Variants in ELMO1 observed in about 807,000 individuals in gnomAD.
The protein encoded by ELMO1 is engulfment and cell motility protein 1.
Under a neutral mutation model 98.9 loss-of-function variants are expected in ELMO1, and 26 were observed. The ratio of observed to expected loss-of-function variants is 0.26; its 90% CI spans 0.19 to 0.36. The LOEUF is 0.36. Ranked by LOEUF, ELMO1 falls within the 10% of genes least tolerant of loss-of-function variation. The pLI is 1.00. For missense variants in ELMO1, 627 were observed against 935.2 expected (o/e 0.67, Z 4.30); for synonymous variants, 346 against 346.0 (o/e 1.00, Z 0.00).
chr7:37,447,619 TCACACACACACCCACAACACCCCCCCCA>T (rs1562698441), intron 1 of ELMO1, among the ~76,000 whole-genome samples: 1 of 144,308 alleles, frequency 6.9e-6, no homozygotes, highest in Non-Finnish European at 1.5e-5. Context: ...ACACACCGAC[TCACACACACACCCACAACACCCCCCCCA>T]CACACACACA....
At chr7:37,296,048 T>C (rs1562591557) in intron 4 of ELMO1, among the ~76,000 whole-genome samples, 1 of 152,210 alleles carries the variant, frequency 6.6e-6, no homozygotes, top group Non-Finnish European at 1.5e-5. Context: ...CAGATATATT[T>C]ATCTCCACAG....
intron 13 of ELMO1, among the ~76,000 whole-genome samples, chr7:37,150,778 C>T (rs184972370): frequency 7.9e-5 from 12 of 152,066 alleles, no homozygotes; most frequent in Admixed American, 2.0e-4. Context: ...GGTGGGAAGA[C>T]AGGTAATTTT....
At chr7:37,161,873 C>A (rs1182184150) in intron 13 of ELMO1, among the ~76,000 whole-genome samples, 1 of 112,970 alleles carries the variant, frequency 8.9e-6, no homozygotes. Context: ...AAGGCTTCCA[C>A]TAAGGCATTA....
At chr7:37,134,941 T>C (rs1313363350) in intron 13 of ELMO1, among the ~76,000 whole-genome samples, 3 of 152,190 alleles carry the variant, frequency 2.0e-5, no homozygotes. Context: ...GATGAGAAAT[T>C]GTTTACTGAG....
intron 3 of ELMO1, 28 bp from the exon 4 acceptor site, chr7:37,314,950 G>T: frequency 1.3e-6 from 2 of 1,590,042 alleles, no homozygotes; most frequent in Non-Finnish European, 1.7e-6. Context: ...ATACTGATTA[G>T]AAAAATGAAA....
chr7:37,077,510 G>A (rs1056774212), intron 15 of ELMO1, among the ~76,000 whole-genome samples: 5 of 152,200 alleles, frequency 3.3e-5, no homozygotes, highest in Non-Finnish European at 7.3e-5. Flanking sequence ...CAATGCTGTA[G>A]GAAAAAATAC....
chr7:37,120,631 C>A (rs1196098656), intron 14 of ELMO1, among the ~76,000 whole-genome samples: 1 of 152,238 alleles, frequency 6.6e-6, no homozygotes, highest in Non-Finnish European at 1.5e-5. Flanking sequence ...GGCCGGGAAG[C>A]TCAAACTGGG....
In ELMO1 at chr7:37,438,012, A is replaced by G. The variant is rs1013258007; in HGVS notation, c.-74+10663T>C. Among the ~76,000 whole-genome samples, 5 of 151,806 alleles carry G rather than the reference A, an allele frequency of 3.3e-5. 2 individuals are homozygous for G. Among genetic ancestry groups the G allele is most frequent in the African/African-American group, 1.2e-4 (5 of 41,248 alleles). On this transcript the variant is annotated intron_variant, in intron 1 of 21. Coordinates refer to ENST00000310758, the MANE Select transcript of ELMO1 (RefSeq NM_014800.11). ...AAAAAAAAAAAAAAAGAAATATACA[A>G]TATATAATTATTAACTATTGCCACC...
At chr7:36,920,474 A>G (rs1353181873) in intron 16 of ELMO1, among the ~76,000 whole-genome samples, 2 of 152,228 alleles carry the variant, frequency 1.3e-5, no homozygotes, top group Non-Finnish European at 2.9e-5. Flanking sequence ...GGTTCTTTAA[A>G]GTTAATCACA....
Position 36,870,436 on chromosome 7 carries a change from T to A in ELMO1, c.1862A>T (p.Asp621Val). ...ACCTTTCTCTTTCATATGAGGGCAG[T>A]CCTTTCCCGTCACCACGGCTTTGAT... Reference protein sequence around the residue: ...ADIKAVVTGKDCPHMKEKGAL... With the variant: ...ADIKAVVTGKVCPHMKEKGAL... The change falls in exon 20 of 22, where the codon GAC (aspartate) becomes GTC (valine). Residue 621 changes from aspartate (D) to valine (V), a missense_variant. Asp to Val is a radical substitution (Grantham distance 152). Transcript: ENST00000310758. The surrounding 1 kb of genome is among the most constrained non-coding windows in gnomAD (Gnocchi z 4.4). The A allele has an allele frequency of 3.1e-6, 5 of 1,614,078 alleles. No homozygotes were observed. The highest frequency in any genetic ancestry group is 4.2e-6 in the Non-Finnish European group (5 of 1,179,984).
In ELMO1 at chr7:37,205,736, C is replaced by A. The variant is rs186202551; in HGVS notation, c.1086+5650G>T. On this transcript the variant is annotated intron_variant, in intron 13 of 21. Transcript: ENST00000310758. ...CAGCTGGAACATCTGAGTTGGGCAA[C>A]TCAGATTTTTTGCCACTGTGCATTT... Among the ~76,000 whole-genome samples the A allele has an allele frequency of 3.2e-3, 490 of 152,106 alleles. 1 individual carries two copies. Among genetic ancestry groups the A allele is most frequent in the African/African-American group, 0.011 (464 of 41,500 alleles).
intron 1 of ELMO1, among the ~76,000 whole-genome samples, chr7:37,379,450 T>C (rs1464857226): frequency 2.6e-5 from 4 of 152,192 alleles, no homozygotes; most frequent in Non-Finnish European, 4.4e-5. Context: ...CCTGGTAAAA[T>C]GAAGCTCATC....
At chr7:37,134,226 A>G (rs1331197018) in intron 13 of ELMO1, among the ~76,000 whole-genome samples, 1 of 152,224 alleles carries the variant, frequency 6.6e-6, no homozygotes, top group Non-Finnish European at 1.5e-5. Context: ...AGAACTAAAA[A>G]TAGAACTACC....
intron 16 of ELMO1, among the ~76,000 whole-genome samples, chr7:37,004,173 C>T (rs1451423581): frequency 1.3e-5 from 2 of 152,054 alleles, no homozygotes; most frequent in Non-Finnish European, 2.9e-5. Flanking sequence ...ATTTAAAATG[C>T]CTAAATCTCA....
intron 15 of ELMO1, among the ~76,000 whole-genome samples, chr7:37,026,597 G>A (rs569590275): frequency 6.6e-6 from 1 of 152,026 alleles, no homozygotes; most frequent in Admixed American, 6.6e-5. Context: ...GCTTTTCTCT[G>A]TGAATGCACC....
chr7:37,355,603 G>A (rs769127653), intron 1 of ELMO1, among the ~76,000 whole-genome samples: 1 of 152,258 alleles, frequency 6.6e-6, no homozygotes, highest in Non-Finnish European at 1.5e-5. Context: ...AGGGGGGAAA[G>A]TTAGGGTAAG....
intron 1 of ELMO1, among the ~76,000 whole-genome samples, chr7:37,383,682 A>C (rs1802667247): frequency 6.6e-6 from 1 of 152,230 alleles, no homozygotes; most frequent in African/African-American, 2.4e-5. Context: ...TATTGGGTAT[A>C]ATATTTCTAG....
At chr7:36,936,183 G>A (rs549402905) in intron 16 of ELMO1, among the ~76,000 whole-genome samples, 1 of 152,302 alleles carries the variant, frequency 6.6e-6, no homozygotes, top group South Asian at 2.1e-4. Context: ...ACCAAGCAGA[G>A]GGTGGATTCA....
chr7:36,878,053 C>G lies in ELMO1; in HGVS notation c.1779G>C (p.Glu593Asp), dbSNP rs892386281. The change falls in exon 19 of 22, where the codon GAG becomes GAC. Residue 593 changes from glutamate to aspartate, a missense_variant. Physicochemically the swap from Glu to Asp is conservative, Grantham distance 45. Transcript: ENST00000310758. ...HKVLHYGDLE[E>D]SPQGEVPHDS... ...CGTGGGGCACTTCTCCCTGAGGACT[C>G]TCTTCTAAGTCTCCGTAATGCAGGA... The G allele has an allele frequency of 6.2e-7, 1 of 1,614,124 alleles. No individual in the cohort carries two copies. Among genetic ancestry groups the G allele is most frequent in the Non-Finnish European group, 8.5e-7 (1 of 1,179,978 alleles).
Sources: allele counts gnomAD v4.1 joint callset (sites outside exome capture counted in the v4.1 genomes callset), GRCh38; gene constraint gnomAD v4.1.1; non-coding constraint Gnocchi (gnomAD v3.1); transcripts MANE v1.5; gene names NCBI Gene and HGNC (gene_info 2026-07-23, HGNC 2026-07-21).